AGMO: variants seen among roughly 807,000 people sequenced by gnomAD.
AGMO encodes alkylglycerol monooxygenase, also known as glyceryl-ether monooxygenase.
Under a neutral mutation model 60.2 loss-of-function variants are expected in AGMO, and 75 were observed. The ratio of observed to expected loss-of-function variants is 1.25; its 90% CI spans 1.03 to 1.51. The LOEUF is 1.51. AGMO is among the 40% of genes most tolerant of loss of function. AGMO has a pLI of 0.00. For synonymous variants in AGMO, 261 were observed against 177.1 expected (o/e 1.47, Z -3.76); for missense variants, 763 against 525.5 (o/e 1.45, Z -4.42).
At chr7:15,370,927 T>G (rs1207979073) in intron 10 of AGMO, among the ~76,000 whole-genome samples, 1 of 152,116 alleles carries the variant, frequency 6.6e-6, no homozygotes, top group Non-Finnish European at 1.5e-5. Flanking sequence ...GTTTTTGTTG[T>G]AGTTGCTTTT....
chr7:15,275,694 T>C (rs1783764126), intron 12 of AGMO, among the ~76,000 whole-genome samples: 1 of 152,170 alleles, frequency 6.6e-6, no homozygotes, highest in South Asian at 2.1e-4. Context: ...TTAAGTAGTA[T>C]TTATTTTATG....
chr7:15,248,866 G>A (rs943356792), intron 12 of AGMO, among the ~76,000 whole-genome samples: 12 of 152,098 alleles, frequency 7.9e-5, no homozygotes, highest in Admixed American at 2.6e-4. Context: ...TTTCTACAAC[G>A]CCAATCACTG....
intron 4 of AGMO, among the ~76,000 whole-genome samples, chr7:15,424,054 A>T (rs1303058234): frequency 6.6e-6 from 1 of 152,132 alleles, no homozygotes; most frequent in East Asian, 1.9e-4. Flanking sequence ...TCTACATAAT[A>T]TTCTATCTAC....
intron 12 of AGMO, among the ~76,000 whole-genome samples, chr7:15,219,375 T>C (rs947655314): frequency 3.3e-5 from 5 of 152,040 alleles, no homozygotes; most frequent in African/African-American, 1.2e-4. Context: ...GATTGCATGA[T>C]TACATTAACT....
chr7:15,252,700 A>C (rs554032824), intron 12 of AGMO, among the ~76,000 whole-genome samples: 8 of 152,344 alleles, frequency 5.3e-5, no homozygotes, highest in South Asian at 4.1e-4. Flanking sequence ...GATAACTGTC[A>C]GAAGCTCAGT....
At chr7:15,229,746 TATAA>T (rs535687044) in intron 12 of AGMO, among the ~76,000 whole-genome samples, 4 of 147,480 alleles carry the variant, frequency 2.7e-5, no homozygotes, top group Admixed American at 6.8e-5. Flanking sequence ...TTATAATATA[TATAA>T]ATAATTAGTT....
the AGMO span, among the ~76,000 whole-genome samples, chr7:15,153,479 T>A: frequency 5.5e-4 from 84 of 152,304 alleles, no homozygotes; most frequent in Middle Eastern, 3.4e-3. Flanking sequence ...TTTGGGGTCT[T>A]AGATTGAAGT....
chr7:15,281,102 C>G (rs934579460), intron 12 of AGMO, among the ~76,000 whole-genome samples: 2 of 152,078 alleles, frequency 1.3e-5, no homozygotes, highest in African/African-American at 4.8e-5. Context: ...CATGGGAACA[C>G]CCCATGGGAC....
chr7:15,366,107 A>G, intron 11 of AGMO, 33 bp downstream of exon 11: 1 of 1,530,874 alleles, frequency 6.5e-7, no homozygotes, highest in Non-Finnish European at 8.9e-7. Flanking sequence ...AATTGAGTAA[A>G]AGTAAAAACA....
chr7:15,135,987 T>C, the AGMO span, among the ~76,000 whole-genome samples: 9 of 147,066 alleles, frequency 6.1e-5, no homozygotes, highest in Admixed American at 1.4e-4. Flanking sequence ...TTCTTTTTTT[T>C]TTTTTTTTGG....
intron 12 of AGMO, among the ~76,000 whole-genome samples, chr7:15,336,508 A>G (rs111535625): frequency 8.5e-5 from 13 of 152,242 alleles, no homozygotes; most frequent in African/African-American, 2.9e-4. Context: ...TTACTAATTC[A>G]TGTAGAAGGA....
At chr7:15,140,969 G>A in the AGMO span, among the ~76,000 whole-genome samples, 1 of 152,030 alleles carries the variant, frequency 6.6e-6, no homozygotes, top group Non-Finnish European at 1.5e-5. Flanking sequence ...ATATTTAGTT[G>A]ACCTTAGTCA....
intron 12 of AGMO, among the ~76,000 whole-genome samples, chr7:15,327,700 AAG>A (rs1262827735): frequency 4.0e-5 from 6 of 151,606 alleles, no homozygotes; most frequent in Non-Finnish European, 5.9e-5. Flanking sequence ...GGGGGAGAGA[AAG>A]AGAGGTTTTC....
chr7:15,260,794 A>C (rs1783245207), intron 12 of AGMO, among the ~76,000 whole-genome samples: 2 of 152,146 alleles, frequency 1.3e-5, no homozygotes, highest in South Asian at 4.1e-4. Context: ...AATTTAAGAA[A>C]ATGAAAATTA....
intron 12 of AGMO, among the ~76,000 whole-genome samples, chr7:15,360,364 C>T (rs1782702249): frequency 6.6e-6 from 1 of 152,194 alleles, no homozygotes; most frequent in Admixed American, 6.5e-5. Flanking sequence ...ATAACTTTCA[C>T]CTCCCCGGAA....
chr7:15,148,454 A>C, the AGMO span, among the ~76,000 whole-genome samples: 16 of 152,134 alleles, frequency 1.1e-4, no homozygotes, highest in African/African-American at 3.6e-4. Flanking sequence ...GGTACCCTGT[A>C]CATAGTTTTT....
intron 10 of AGMO, among the ~76,000 whole-genome samples, chr7:15,378,327 A>G (rs1025449156): frequency 1.3e-5 from 2 of 152,072 alleles, no homozygotes; most frequent in Non-Finnish European, 2.9e-5. Context: ...ATATATATGG[A>G]CAACACCAAT....
chr7:15,386,344 A>C (rs1010958621), intron 9 of AGMO, among the ~76,000 whole-genome samples: 1 of 152,192 alleles, frequency 6.6e-6, no homozygotes, highest in Non-Finnish European at 1.5e-5. Context: ...AAGTTTCCCC[A>C]AAATGCTACA....
chr7:15,490,673 A>G (rs937500558), intron 3 of AGMO, among the ~76,000 whole-genome samples: 6 of 152,204 alleles, frequency 3.9e-5, no homozygotes, highest in Non-Finnish European at 5.9e-5. Flanking sequence ...TGCAAGGAAC[A>G]TTTTAGTAAT....
Sources: allele counts gnomAD v4.1 joint callset (sites outside exome capture counted in the v4.1 genomes callset), GRCh38; gene constraint gnomAD v4.1.1; transcripts MANE v1.5; gene names NCBI Gene and HGNC (gene_info 2026-07-23, HGNC 2026-07-21).